TRPM1: variants seen among roughly 807,000 people sequenced by gnomAD.
TRPM1 encodes TRPM1-203 APA Isoform, Intron 10.
A neutral mutation model predicts 149.4 loss-of-function variants in TRPM1; 113 were observed. The ratio of observed to expected loss-of-function variants is 0.76; its 90% CI spans 0.65 to 0.88. The LOEUF (loss-of-function observed/expected upper bound fraction) is 0.88, where lower values mean the gene tolerates loss of function less well. TRPM1 is among the 40% of genes least tolerant of loss of function. The pLI, the probability that TRPM1 is intolerant of heterozygous loss-of-function variation, is 0.00. For synonymous variants in TRPM1, 741 were observed against 759.5 expected, an observed-to-expected ratio of 0.98 and a Z score of 0.40; for missense variants, 1,976 against 2,038.7, an observed-to-expected ratio of 0.97 and a Z score of 0.59.
chr15:31,125,456 C>T (rs1041241390), intron 1 of TRPM1, among the ~76,000 whole-genome samples: 5 of 151,984 alleles, frequency 3.3e-5, no homozygotes, highest in East Asian at 1.9e-4. Context: ...TGCGGCCGGG[C>T]GCAGTGGCTT....
chr15:31,111,593 C>T (rs374901397), intron 1 of TRPM1, among the ~76,000 whole-genome samples: 119 of 152,328 alleles, frequency 7.8e-4, no homozygotes, highest in South Asian at 4.6e-3. Flanking sequence ...AAAACAGGAT[C>T]TTTGGGGACA....
rs556799723 is a variant in TRPM1 at position 31,002,102 on chromosome 15, A to T, written c.4598T>A (p.Val1533Asp). Reference protein sequence around the residue: ...QFADMQDEHHVAEAIPRIPRL... With the variant: ...QFADMQDEHHDAEAIPRIPRL... The stretch of plus-strand genomic sequence containing the variant: ...AGGGATTCGAGGAATTGCTTCAGCG[A>T]CATGGTGTTCATCTTGCATATCTGC... Residue 1533 changes from valine (V) to aspartate (D), a missense_variant, in exon 28 of 28, where the codon GTC (valine) becomes GAC (aspartate). Around this residue, in one of 3 missense-constraint regions of TRPM1, gnomAD observed 572 missense variants for 578.9 expected, o/e 0.99. Coordinates refer to ENST00000256552, the MANE Select transcript of TRPM1 (RefSeq NM_001252024.2). The T allele has an allele frequency of 3.3e-5, 53 of 1,614,128 alleles. No homozygotes were observed. Among genetic ancestry groups the T allele is most frequent in the Non-Finnish European group, 3.1e-5 (37 of 1,180,054 alleles).
rs369416136 is a variant in TRPM1 at position 31,042,014 on chromosome 15, G to C, written c.2024C>G (p.Ala675Gly). 8 of 1,614,028 alleles carry C rather than the reference G, an allele frequency of 5.0e-6. No individual in the cohort carries two copies. In the African/African-American group the frequency reaches 1.1e-4, roughly 22 times the overall value. The change falls in exon 17 of 28, where the codon GCC becomes GGC. Residue 675 changes from alanine to glycine, a missense_variant. This residue lies in a region of TRPM1 where 1,332 missense variants were observed against 1,347.1 expected (regional missense o/e 0.99). Coordinates refer to ENST00000256552, the MANE Select transcript of TRPM1 (RefSeq NM_001252024.2). Reference sequence around the variant, plus strand: ...CAGATCACTCTCGGAGGACTCGTGGGCCATGGCCTTGTAGAGCTTGCAGGC... The same window carrying C: ...CAGATCACTCTCGGAGGACTCGTGGCCCATGGCCTTGTAGAGCTTGCAGGC... The part of the protein sequence containing the change: ...LVACKLYKAM[A>G]HESSESDLVD...
intron 1 of TRPM1, among the ~76,000 whole-genome samples, chr15:31,098,043 T>G (rs1193243498): frequency 6.6e-6 from 1 of 152,242 alleles, no homozygotes; most frequent in Non-Finnish European, 1.5e-5. Context: ...TTAATTTCAC[T>G]TATTTGTTTT....
At position 31,047,931 on chromosome 15, in the gene TRPM1, A is replaced by G. The variant is rs2033827371; in HGVS notation, c.1581T>C (p.Gly527=). 1.2e-6 allele frequency: 2 copies of G among 1,613,958 alleles called. No homozygotes were observed. The highest frequency in any genetic ancestry group is 8.5e-7 in the Non-Finnish European group (1 of 1,179,832). ...RLEELYNTRL[G]PPNTLHLLVR... The stretch of plus-strand genomic sequence containing the variant: ...CCAGCAGATGAAGTGTGTTTGGTGG[A>G]CCCAGTCTCTGAAAGAGAAGCATTC... Residue 527 remains glycine, a synonymous_variant, in exon 14 of 28, where the codon GGT becomes GGC. Coordinates refer to ENST00000256552, the MANE Select transcript of TRPM1 (RefSeq NM_001252024.2).
chr15:31,036,290 C>T (rs1211995505), intron 20 of TRPM1, among the ~76,000 whole-genome samples: 1 of 152,128 alleles, frequency 6.6e-6, no homozygotes, highest in Non-Finnish European at 1.5e-5. Flanking sequence ...GGGAGGACGT[C>T]TGAAGTAGAT....
At chr15:31,033,002 T>C in intron 21 of TRPM1, 62 bp from the exon 22 acceptor site, 1 of 1,607,594 alleles carries the variant, frequency 6.2e-7, no homozygotes, top group Non-Finnish European at 8.5e-7. Flanking sequence ...TGTCTTAGAA[T>C]CTTGGAACAA....
chr15:31,147,557 G>C (rs2036237830), intron 1 of TRPM1, among the ~76,000 whole-genome samples: 2 of 152,190 alleles, frequency 1.3e-5, no homozygotes, highest in Admixed American at 1.3e-4. Flanking sequence ...CATCTGAACT[G>C]GGGTTTGGAC....
chr15:31,001,818 C>T lies in TRPM1; in HGVS notation c.*4G>A. On this transcript the variant is annotated 3_prime_UTR_variant, in exon 28 of 28. Coordinates refer to ENST00000256552, the MANE Select transcript of TRPM1 (RefSeq NM_001252024.2). ...AAAAAAAAAAATTAAAGAAACAAAA[C>T]AGACTAGCATTCAGTTTCTGTGGAA... 2.5e-6 allele frequency: 4 copies of T among 1,608,814 alleles called. No homozygotes were observed. Among genetic ancestry groups the T allele is most frequent in the Non-Finnish European group, 3.4e-6 (4 of 1,179,590 alleles).
At chr15:31,100,302 C>A (rs2035485741) in intron 1 of TRPM1, among the ~76,000 whole-genome samples, 2 of 152,010 alleles carry the variant, frequency 1.3e-5, no homozygotes, top group Non-Finnish European at 2.9e-5. Context: ...GTCTCTATCT[C>A]TTGACCTCGT....
chr15:31,081,054 CT>C (rs1027830186), intron 2 of TRPM1, among the ~76,000 whole-genome samples: 1 of 152,162 alleles, frequency 6.6e-6, no homozygotes, highest in Admixed American at 6.5e-5. Flanking sequence ...GCAGGGCCCC[CT>C]GTCCCCCCCC....
rs143158566 is a variant in TRPM1 at position 31,155,636 on chromosome 15, T to C, written c.54+5270A>G. Among the ~76,000 whole-genome samples the C allele has an allele frequency of 1.8e-3, 267 of 152,298 alleles. 3 individuals carry two copies. The East Asian group carries it at 0.022, about 13-fold the overall frequency. On this transcript the variant is annotated intron_variant, in intron 1 of 26. Coordinates refer to the TRPM1 transcript ENST00000542188. ...ACCCACAATTCTGTTTTACAGATGT[T>C]GTGACTTTACATGTGTACTTATATA...
chr15:31,159,142 C>G (rs1459305219), intron 1 of TRPM1, among the ~76,000 whole-genome samples: 2 of 151,968 alleles, frequency 1.3e-5, no homozygotes, highest in Admixed American at 6.6e-5. Context: ...AGTGTGAGGT[C>G]CTGTAGGAAT....
At chr15:31,116,770 AGAAAAAAAAGATGCTGGAG>A (rs1211324540) in intron 1 of TRPM1, among the ~76,000 whole-genome samples, 1 of 143,120 alleles carries the variant, frequency 7.0e-6, no homozygotes, top group African/African-American at 3.0e-5. Flanking sequence ...ACAGAGAGAG[AGAAAAAAAAGATGCTGGAG>A]GAAAGTGAAG....
chr15:31,014,490 C>G (rs2032290398), intron 27 of TRPM1, among the ~76,000 whole-genome samples: 1 of 152,188 alleles, frequency 6.6e-6, no homozygotes, highest in African/African-American at 2.4e-5. Context: ...TAGGACAGGG[C>G]TAAGTTAAAA....
chr15:31,087,418 A>T (rs1022941261), intron 1 of TRPM1, among the ~76,000 whole-genome samples: 3 of 150,954 alleles, frequency 2.0e-5, no homozygotes, highest in African/African-American at 4.9e-5. Flanking sequence ...CGCCCCGCTA[A>T]TTTTTTTGTG....
At chr15:31,109,919 G>T (rs1046968519) in intron 1 of TRPM1, among the ~76,000 whole-genome samples, 4 of 152,176 alleles carry the variant, frequency 2.6e-5, no homozygotes, top group African/African-American at 9.7e-5. Context: ...CAGAGGGCAG[G>T]TGTGGGGCAG....
chr15:31,104,087 G>T (rs2035564811), upstream of TRPM1, among the ~76,000 whole-genome samples: 1 of 152,116 alleles, frequency 6.6e-6, no homozygotes, highest in South Asian at 2.1e-4. Context: ...TGTCTGTGGA[G>T]CCGTCTGAGG....
chr15:31,160,643 C>T (rs574399810), intron 1 of TRPM1, among the ~76,000 whole-genome samples: 3 of 152,368 alleles, frequency 2.0e-5, no homozygotes, highest in East Asian at 1.9e-4. Context: ...GCCACTCAGA[C>T]GCCTCCCGGG....
Sources: allele counts gnomAD v4.1 joint callset (sites outside exome capture counted in the v4.1 genomes callset), GRCh38; gene constraint gnomAD v4.1.1; regional missense constraint gnomAD v4.1.1; transcripts MANE v1.5; gene names NCBI Gene and HGNC (gene_info 2026-07-23, HGNC 2026-07-21).